The following CFAP44 variants were observed in gnomAD, a reference collection of about 807,000 sequenced individuals.
CFAP44 encodes the protein cilia- and flagella-associated protein 44.
In CFAP44, 134 loss-of-function variants were observed where a neutral mutation model predicts 216.2. The ratio of observed to expected loss-of-function variants is 0.62; its 90% CI spans 0.54 to 0.72. The LOEUF is 0.72. Among genes scored for constraint, CFAP44 ranks in the 30% least tolerant of loss-of-function variants. CFAP44 has a pLI of 0.00. For synonymous variants in CFAP44, 700 were observed against 727.6 expected, an observed-to-expected ratio of 0.96 and a Z score of 0.61; for missense variants, 2,035 against 2,182.1, an observed-to-expected ratio of 0.93 and a Z score of 1.34.
At chr3:113,324,405 G>T (rs913161590) in intron 28 of CFAP44, among the ~76,000 whole-genome samples, 3 of 152,008 alleles carry the variant, frequency 2.0e-5, no homozygotes, top group African/African-American at 7.3e-5. Flanking sequence ...TATATAAAAA[G>T]AATTTTGCAC....
At chr3:113,295,002 T>A (rs1025340345) in intron 33 of CFAP44, among the ~76,000 whole-genome samples, 181 bp from the exon 34 acceptor site, 33 of 16,854 alleles carry the variant, frequency 2.0e-3, no homozygotes, top group African/African-American at 3.3e-3. Context: ...TGATTAAAGA[T>A]AAGAATATAA....
At chr3:113,341,612 C>T (rs1355708869) in intron 24 of CFAP44, 132 bp downstream of exon 24, 59 of 1,083,732 alleles carry the variant, frequency 5.4e-5, no homozygotes, top group South Asian at 1.2e-4. Flanking sequence ...ATAATATCTC[C>T]TTCTTTGTTT....
At chr3:113,403,522 C>T (rs1934195960) in intron 9 of CFAP44, among the ~76,000 whole-genome samples, 1 of 152,200 alleles carries the variant, frequency 6.6e-6, no homozygotes, top group South Asian at 2.1e-4. Flanking sequence ...TACAAAATGG[C>T]CCATTCATAT....
At chr3:113,335,369 A>G (rs1480280199) in intron 24 of CFAP44, among the ~76,000 whole-genome samples, 2 of 152,254 alleles carry the variant, frequency 1.3e-5, no homozygotes, top group Non-Finnish European at 2.9e-5. Context: ...CTGAAGAGAC[A>G]GAGATCAGAG....
intron 4 of CFAP44, among the ~76,000 whole-genome samples, chr3:113,420,669 C>T (rs2107393776): frequency 6.6e-6 from 1 of 152,250 alleles, no homozygotes; most frequent in East Asian, 1.9e-4. Flanking sequence ...TGACTAACCA[C>T]AGTAAAAATA....
At chr3:113,365,475 CTA>C (rs1031115261) in intron 19 of CFAP44, among the ~76,000 whole-genome samples, 1 of 152,048 alleles carries the variant, frequency 6.6e-6, no homozygotes, top group African/African-American at 2.4e-5. Context: ...AATTCAAGTT[CTA>C]TGACAGGAAA....
intron 15 of CFAP44, among the ~76,000 whole-genome samples, chr3:113,386,998 C>T (rs917650780): frequency 3.9e-5 from 6 of 152,144 alleles, no homozygotes; most frequent in Non-Finnish European, 8.8e-5. Context: ...TAGACCAGCC[C>T]GAGTCAGAGG....
At chr3:113,323,378 C>T (rs1437706648) in intron 28 of CFAP44, among the ~76,000 whole-genome samples, 1 of 152,142 alleles carries the variant, frequency 6.6e-6, no homozygotes, top group African/African-American at 2.4e-5. Flanking sequence ...AAACCAAATA[C>T]TACATATTTT....
intron 18 of CFAP44, among the ~76,000 whole-genome samples, chr3:113,366,751 G>T (rs1932944742): frequency 6.6e-6 from 1 of 152,204 alleles, no homozygotes; most frequent in Non-Finnish European, 1.5e-5. Flanking sequence ...CCGAAGCAAG[G>T]CAGGGTGTTG....
At position 113,433,429 on chromosome 3, in the gene CFAP44, C is replaced by CAAAAAAA. The variant is rs58221881; in HGVS notation, c.100+129_100+135dup. The CAAAAAAA allele has an allele frequency of 3.5e-4, 45 of 127,788 alleles. 3 individuals are homozygous for CAAAAAAA. Among genetic ancestry groups the CAAAAAAA allele is most frequent in the African/African-American group, 1.9e-3 (25 of 13,098 alleles). The allele number at this position is 127,788 out of a possible 1,614,324, so 7.9% of individuals were successfully genotyped here. A position where few individuals can be genotyped will look rare whatever the true frequency, so the allele number is the denominator to read the frequency against. ...GGGCAACAAGAGCAAAACTCCATCT[C>CAAAAAAA]AAAAAAAAAAAAAAAAAAAAAAAAA... On this transcript the variant is annotated intron_variant, in intron 2 of 34. Coordinates refer to ENST00000393845, the MANE Select transcript of CFAP44 (RefSeq NM_001164496.2).
At chr3:113,430,070 A>G (rs372603969) in intron 2 of CFAP44, among the ~76,000 whole-genome samples, 14 of 152,230 alleles carry the variant, frequency 9.2e-5, no homozygotes, top group African/African-American at 3.4e-4. Context: ...ACTTGCTGGG[A>G]CATAAGACCA....
intron 28 of CFAP44, among the ~76,000 whole-genome samples, chr3:113,312,594 C>G (rs139667227): frequency 3.9e-4 from 59 of 152,092 alleles, no homozygotes; most frequent in Admixed American, 3.9e-3. Context: ...CAGGGCATGT[C>G]GGAGGCCTTC....
Position 113,399,964 on chromosome 3 carries a change from G to A in CFAP44, c.1511C>T (p.Pro504Leu). Residue 504 changes from proline to leucine, a missense_variant, in exon 13 of 35, where the codon CCT (proline) becomes CTT (leucine). Transcript: ENST00000393845. ...TTGTTTGAATTTCATCTGGGCCAAA[G>A]GAGTTTTGCTAGCAAAATCATAGAT... Reference protein sequence around the residue: ...VRIYDFASKTPLAQMKFKQGG... With the variant: ...VRIYDFASKTLLAQMKFKQGG... The A allele has an allele frequency of 1.2e-6, 2 of 1,602,020 alleles. No individual in the cohort carries two copies. Among genetic ancestry groups the A allele is most frequent in the Non-Finnish European group, 1.7e-6 (2 of 1,175,126 alleles).
chr3:113,373,513 G>C lies in CFAP44; in HGVS notation c.2342C>G (p.Pro781Arg). Residue 781 changes from proline to arginine, a missense_variant, in exon 18 of 35, where the codon CCT (proline) becomes CGT (arginine). By Grantham distance (103) the Pro-to-Arg change is moderately radical. Around this residue, in one of 3 missense-constraint regions of CFAP44, gnomAD observed 1,883 missense variants for 2,023.7 expected, o/e 0.93. Transcript: ENST00000393845. ...TTTGAAATCACTGCTTTCATCACAA[G>C]GGGGGAACTCACAGTGATATAGAAA... ...SGFLYHCEFPPCDESSDFKEQ... is the reference protein window; with the variant it reads ...SGFLYHCEFPRCDESSDFKEQ... 1 of 1,603,448 alleles carries C rather than the reference G, an allele frequency of 6.2e-7. No individual in the cohort carries two copies.
chr3:113,367,846 A>AG (rs1158909971), intron 18 of CFAP44, among the ~76,000 whole-genome samples: 1 of 152,210 alleles, frequency 6.6e-6, no homozygotes, highest in Non-Finnish European at 1.5e-5. Flanking sequence ...CTTGAAAAAA[A>AG]GGTTAGATGA....
At chr3:113,360,525 C>G in intron 21 of CFAP44, 1 of 220,440 alleles carries the variant, frequency 4.5e-6, no homozygotes, top group Admixed American at 4.2e-5. Flanking sequence ...ACATGATCCT[C>G]ATCTTTTATA....
rs567748056 is a variant in CFAP44 at position 113,375,491 on chromosome 3, G to A, written c.2299-1935C>T. 7.2e-4 allele frequency among the ~76,000 whole-genome samples: 110 copies of A among 152,230 alleles called. 1 individual carries two copies. The highest frequency in any genetic ancestry group is 2.5e-3 in the African/African-American group (105 of 41,542). ...TTCTTGAATGATGTAAGATACATACGGAACATGAGAAGGATGTAATACACA... is the reference window on the plus strand; with the variant it reads ...TTCTTGAATGATGTAAGATACATACAGAACATGAGAAGGATGTAATACACA... On this transcript the variant is annotated intron_variant, in intron 17 of 34. Transcript: ENST00000393845.
Position 113,291,633 on chromosome 3 carries a change from A to G in CFAP44, c.5489T>C (p.Leu1830Ser). 1.3e-6 allele frequency: 2 copies of G among 1,537,298 alleles called. No homozygotes were observed. The highest frequency in any genetic ancestry group is 2.4e-5 in the South Asian group (2 of 84,056). The change falls in exon 35 of 35, where the codon TTG becomes TCG. Residue 1830 changes from leucine (L) to serine (S), a missense_variant. This residue lies in a region of CFAP44 where 1,883 missense variants were observed against 2,023.7 expected (regional missense o/e 0.93). Coordinates refer to ENST00000393845, the MANE Select transcript of CFAP44 (RefSeq NM_001164496.2). ...ISALKEEIAL[L>S]RRKGSLILPP... ...GAGGATAAGACTGCCTTTCCTACGC[A>G]AAAGAGCAATCTCCTCCTTTAAGGC...
At chr3:113,329,288 C>T (rs755808361) in intron 26 of CFAP44, among the ~76,000 whole-genome samples, 66 of 152,138 alleles carry the variant, frequency 4.3e-4, no homozygotes, top group South Asian at 1.2e-3. Flanking sequence ...GGGTTTGGAA[C>T]TGAGCCATGC....
Sources: allele counts gnomAD v4.1 joint callset (sites outside exome capture counted in the v4.1 genomes callset), GRCh38; gene constraint gnomAD v4.1.1; regional missense constraint gnomAD v4.1.1; transcripts MANE v1.5; gene names NCBI Gene and HGNC (gene_info 2026-07-23, HGNC 2026-07-21).